KIAA1671: variants seen among roughly 807,000 people sequenced by gnomAD.
KIAA1671 encodes the protein uncharacterized protein KIAA1671.
KIAA1671 carries 52 observed loss-of-function variants against 131.2 expected under a neutral mutation model. That is an observed-to-expected ratio of 0.40 (90% confidence interval 0.32 to 0.50). The LOEUF (loss-of-function observed/expected upper bound fraction) is 0.50, where lower values mean the gene tolerates loss of function less well. KIAA1671 is among the 20% of genes least tolerant of loss of function. The pLI is 0.73. For synonymous variants in KIAA1671, 1,003 were observed against 961.6 expected, an observed-to-expected ratio of 1.04 and a Z score of -0.80; for missense variants, 2,360 against 2,364.2, an observed-to-expected ratio of 1.00 and a Z score of 0.04.
intron 1 of KIAA1671, among the ~76,000 whole-genome samples, chr22:24,964,181 T>C (rs1452433915): frequency 6.6e-6 from 1 of 151,570 alleles, no homozygotes; most frequent in Non-Finnish European, 1.5e-5. Context: ...ATAGAAAAAT[T>C]AGCTAGGCAT....
chr22:25,080,200 C>T (rs933267044), intron 6 of KIAA1671, among the ~76,000 whole-genome samples: 12 of 152,100 alleles, frequency 7.9e-5, no homozygotes, highest in African/African-American at 2.9e-4. Context: ...AGTTAGATAC[C>T]GGTGTCAGCA....
rs1191243812 is a variant in KIAA1671 at position 25,028,774 on chromosome 22, G to C, written c.775G>C (p.Gly259Arg). The change falls in exon 3 of 13, where the codon GGC becomes CGC. Residue 259 changes from glycine to arginine, a missense_variant. This residue lies in a region of KIAA1671 where 1,185 missense variants were observed against 1,126.2 expected (regional missense o/e 1.05). Transcript: ENST00000358431. ...CATTCAGCCTCAGAAGCCAGGCCCC[G>C]GCGCAGCGGCCACAGTGGGCAAAGT... is the stretch of plus-strand genomic sequence containing the variant. ...ESIQPQKPGP[G>R]AAATVGKVPP... 11 of 1,551,148 alleles carry C rather than the reference G, an allele frequency of 7.1e-6. No homozygotes were observed. Among genetic ancestry groups the C allele is most frequent in the African/African-American group, 1.4e-5 (1 of 73,076 alleles).
intron 6 of KIAA1671, among the ~76,000 whole-genome samples, chr22:25,083,758 C>A (rs1203647507): frequency 1.3e-5 from 2 of 152,214 alleles, no homozygotes; most frequent in Non-Finnish European, 2.9e-5. Context: ...TTTACTCTGC[C>A]CTCTCCCTGT....
intron 6 of KIAA1671, among the ~76,000 whole-genome samples, chr22:25,088,138 C>G (rs1255543188): frequency 1.3e-5 from 2 of 149,386 alleles, no homozygotes; most frequent in Non-Finnish European, 3.0e-5. Context: ...GACAGAGTCT[C>G]ACCCCGTCGC....
At chr22:24,961,690 G>A (rs1034859156) in intron 1 of KIAA1671, among the ~76,000 whole-genome samples, 7 of 152,352 alleles carry the variant, frequency 4.6e-5, no homozygotes, top group African/African-American at 1.4e-4. Context: ...CATGCTATAG[G>A]CTGAAGCAAG....
At chr22:25,125,328 A>G (rs1214468774) in intron 6 of KIAA1671, among the ~76,000 whole-genome samples, 1 of 152,200 alleles carries the variant, frequency 6.6e-6, no homozygotes, top group African/African-American at 2.4e-5. Flanking sequence ...TTAAATCCCT[A>G]TAGAAACCCC....
At chr22:25,162,291 G>A (rs531406505) in intron 6 of KIAA1671, among the ~76,000 whole-genome samples, 4 of 152,304 alleles carry the variant, frequency 2.6e-5, no homozygotes, top group South Asian at 2.1e-4. Context: ...GGGACAGAGC[G>A]TGTGTCCCCC....
Position 25,028,533 on chromosome 22 carries a change from G to A in KIAA1671, c.534G>A (p.Val178=). The change falls in exon 3 of 13, where the codon GTG becomes GTA. Residue 178 remains valine (V), a synonymous_variant. Coordinates refer to ENST00000358431, the MANE Select transcript of KIAA1671 (RefSeq NM_001145206.2). ...GTGTGTCCGGCTCCCGGCCTGAGGT[G>A]GCTGCCAAGCCCGCCCTGCCCACCC... ...KLGVSGSRPE[V]AAKPALPTQK... The A allele has an allele frequency of 1.9e-6, 3 of 1,549,856 alleles. No individual in the cohort carries two copies. The highest frequency in any genetic ancestry group is 3.9e-5 in the Admixed American group (2 of 50,936).
At chr22:25,145,962 A>G (rs1932872022) in intron 6 of KIAA1671, among the ~76,000 whole-genome samples, 1 of 150,798 alleles carries the variant, frequency 6.6e-6, no homozygotes, top group South Asian at 2.1e-4. Context: ...AAAAAAAAAC[A>G]ACAACAAGCT....
chr22:25,020,538 G>A (rs1261978343), intron 1 of KIAA1671, among the ~76,000 whole-genome samples: 2 of 152,128 alleles, frequency 1.3e-5, no homozygotes, highest in Non-Finnish European at 2.9e-5. Context: ...ACAGGACCCA[G>A]GACCCTTCTT....
At chr22:24,958,752 C>T (rs1346739350) in intron 1 of KIAA1671, among the ~76,000 whole-genome samples, 3 of 151,690 alleles carry the variant, frequency 2.0e-5, no homozygotes, top group African/African-American at 7.3e-5. Flanking sequence ...AGGTGAATCA[C>T]CTGAGGTCAG....
intron 4 of KIAA1671, among the ~76,000 whole-genome samples, chr22:25,037,927 C>T (rs1207385722): frequency 1.3e-5 from 2 of 152,078 alleles, no homozygotes; most frequent in African/African-American, 2.4e-5. Context: ...GCAATCTCCG[C>T]CCTCCAGGTT....
chr22:25,071,609 C>CCCGCCACTGCACTCCAGCCTG (rs1273839356), intron 6 of KIAA1671, among the ~76,000 whole-genome samples: 10 of 151,854 alleles, frequency 6.6e-5, no homozygotes, highest in East Asian at 1.9e-4. Flanking sequence ...CTCCAATAAT[C>CCCGCCACTGCACTCCAGCCTG]GTATTTTTGA....
At chr22:24,995,217 A>AT (rs1407945115) in intron 1 of KIAA1671, among the ~76,000 whole-genome samples, 7 of 151,278 alleles carry the variant, frequency 4.6e-5, no homozygotes, top group South Asian at 4.2e-4. Context: ...TGCCTGGCTA[A>AT]TTTTTTGTAT....
intron 6 of KIAA1671, among the ~76,000 whole-genome samples, chr22:25,118,986 A>G (rs1287258794): frequency 6.6e-6 from 1 of 151,796 alleles, no homozygotes; most frequent in Non-Finnish European, 1.5e-5. Context: ...CCCATCCTAC[A>G]TTTCTTCCTG....
intron 6 of KIAA1671, among the ~76,000 whole-genome samples, chr22:25,080,600 G>A (rs989780818): frequency 3.3e-5 from 5 of 152,048 alleles, no homozygotes; most frequent in Admixed American, 3.3e-4. Flanking sequence ...CCAGGTTGGA[G>A]TGCCATGGTG....
chr22:25,095,181 G>A (rs753136317), intron 6 of KIAA1671, among the ~76,000 whole-genome samples: 8 of 152,154 alleles, frequency 5.3e-5, no homozygotes, highest in Non-Finnish European at 1.2e-4. Context: ...TTCCCCCTCT[G>A]TAAAATGGCA....
At chr22:25,089,519 C>T (rs1011342838) in intron 6 of KIAA1671, among the ~76,000 whole-genome samples, 1 of 151,966 alleles carries the variant, frequency 6.6e-6, no homozygotes, top group Admixed American at 6.6e-5. Flanking sequence ...GGTGATCCAC[C>T]CGCCTCAGCC....
chr22:24,983,712 G>A (rs1923352566), intron 1 of KIAA1671, among the ~76,000 whole-genome samples: 1 of 150,292 alleles, frequency 6.7e-6, no homozygotes, highest in South Asian at 2.1e-4. Context: ...GTGACTGTGC[G>A]GTGGGGGCTG....
Sources: gnomAD v4.1 joint callset for allele counts (sites outside exome capture counted in the v4.1 genomes callset) on GRCh38, gnomAD v4.1.1 for gene constraint, gnomAD v4.1.1 regional missense constraint, MANE v1.5 for transcripts, NCBI Gene and HGNC (gene_info 2026-07-23, HGNC 2026-07-21) for gene names.